MB21D2: variants seen among roughly 807,000 people sequenced by gnomAD.
The protein encoded by MB21D2 is Mab-21 domain containing 2, also known as nucleotidyltransferase MB21D2.
In MB21D2, 9 loss-of-function variants were observed where a neutral mutation model predicts 33.3. The ratio of observed to expected loss-of-function variants is 0.27; its 90% CI spans 0.16 to 0.47. The LOEUF (loss-of-function observed/expected upper bound fraction) is 0.47, where lower values mean the gene tolerates loss of function less well. Among genes scored for constraint, MB21D2 ranks in the 20% least tolerant of loss-of-function variants. The pLI is 0.99. For missense variants in MB21D2, 540 were observed against 624.6 expected (o/e 0.86, Z 1.44); for synonymous variants, 241 against 236.3 (o/e 1.02, Z -0.18).
At chr3:192,835,944 T>C (rs1046764441) in intron 1 of MB21D2, among the ~76,000 whole-genome samples, 1 of 152,010 alleles carries the variant, frequency 6.6e-6, no homozygotes, top group Non-Finnish European at 1.5e-5. Flanking sequence ...AGCACCATCA[T>C]ATCCTCCCTC....
chr3:192,820,936 A>T (rs13091042), intron 1 of MB21D2, among the ~76,000 whole-genome samples: 85,619 of 150,490 alleles, frequency 0.57, 25,258 homozygotes, highest in African/African-American at 0.73. Flanking sequence ...GCTTTTTTTT[A>T]TATATATTTT....
chr3:192,853,650 T>G (rs1183195584), intron 1 of MB21D2, among the ~76,000 whole-genome samples: 4 of 139,354 alleles, frequency 2.9e-5, no homozygotes, highest in African/African-American at 7.7e-5. Context: ...GGTGTTTTGT[T>G]TTTTTTTTTA....
intron 1 of MB21D2, among the ~76,000 whole-genome samples, chr3:192,836,822 A>G (rs1182377327): frequency 1.3e-5 from 2 of 152,206 alleles, no homozygotes; most frequent in African/African-American, 2.4e-5. Context: ...TGCTCTAAAG[A>G]AAAGACTTTC....
chr3:192,913,005 G>A (rs1387538286), intron 1 of MB21D2, among the ~76,000 whole-genome samples: 1 of 152,246 alleles, frequency 6.6e-6, no homozygotes, highest in East Asian at 1.9e-4. Flanking sequence ...AAAGTAGCTA[G>A]CACAATGGTC....
chr3:192,825,267 C>T (rs1712150544), intron 1 of MB21D2, among the ~76,000 whole-genome samples: 1 of 152,160 alleles, frequency 6.6e-6, no homozygotes, highest in Admixed American at 6.5e-5. Flanking sequence ...GTAATTGGCA[C>T]ATGGTAAGCT....
intron 1 of MB21D2, among the ~76,000 whole-genome samples, chr3:192,850,675 G>A (rs1277463872): frequency 6.6e-6 from 1 of 152,164 alleles, no homozygotes; most frequent in African/African-American, 2.4e-5. Flanking sequence ...AAACCTGTCA[G>A]TGGACTGGGA....
chr3:192,917,815 T>A lies in MB21D2; in HGVS notation c.26A>T (p.Asn9Ile). The change falls in exon 1 of 2, where the codon AAC (asparagine) becomes ATC (isoleucine). Residue 9 changes from asparagine to isoleucine, a missense_variant. By Grantham distance (149) the Asn-to-Ile change is moderately radical. Coordinates refer to ENST00000392452, the MANE Select transcript of MB21D2 (RefSeq NM_178496.4). MKMAAPTANKAASLGCNNK... is the reference protein window; with the variant it reads MKMAAPTAIKAASLGCNNK... ...GTTACAGCCCAGGGAGGCTGCCTTG[T>A]TGGCGGTGGGAGCCGCCATCTTCAT... 6.2e-7 allele frequency: 1 copy of A among 1,611,184 alleles called. No individual in the cohort carries two copies. The highest frequency in any genetic ancestry group is 8.5e-7 in the Non-Finnish European group (1 of 1,178,882).
intron 1 of MB21D2, among the ~76,000 whole-genome samples, chr3:192,872,133 C>T (rs1035403257): frequency 1.3e-5 from 2 of 152,122 alleles, no homozygotes; most frequent in African/African-American, 2.4e-5. Flanking sequence ...AAAGTTTACT[C>T]GTTTATTACT....
chr3:192,889,155 C>A (rs752098197), intron 1 of MB21D2, among the ~76,000 whole-genome samples: 1 of 152,088 alleles, frequency 6.6e-6, no homozygotes, highest in Non-Finnish European at 1.5e-5. Context: ...CAGATACACA[C>A]ACAAATATAC....
chr3:192,809,025 CGGCACAGGCCAAATGCTTA>C (rs1711729140), intron 1 of MB21D2, among the ~76,000 whole-genome samples: 3 of 152,036 alleles, frequency 2.0e-5, no homozygotes, highest in Admixed American at 2.0e-4. Flanking sequence ...CCATGCACTA[CGGCACAGGCCAAATGCTTA>C]CCTGTGTCAT....
chr3:192,869,333 G>A (rs111966247), intron 1 of MB21D2, among the ~76,000 whole-genome samples: 18,221 of 112,666 alleles, frequency 0.16, 1,231 homozygotes, highest in South Asian at 0.27. Flanking sequence ...AAAAAGGGAA[G>A]GAGGGAAGGG....
Position 192,798,644 on chromosome 3 carries a change from G to C in MB21D2, c.1218C>G (p.Asp406Glu), listed in dbSNP as rs772742662. 4 of 1,613,706 alleles carry C rather than the reference G, an allele frequency of 2.5e-6. No individual in the cohort carries two copies. Among genetic ancestry groups the C allele is most frequent in the Admixed American group, 3.3e-5 (2 of 60,028 alleles). Residue 406 changes from aspartate to glutamate, a missense_variant, in exon 2 of 2, where the codon GAC becomes GAG. Coordinates refer to ENST00000392452, the MANE Select transcript of MB21D2 (RefSeq NM_178496.4). This position sits in a 1 kb window ranked among gnomAD's most constrained non-coding sequence, Gnocchi z 4.8. ...TGGCGGTGCGCAAGTGCTCTGCCGG[G>C]TCTGAGCGCACAGAGGACAGCTTCC... The part of the protein sequence containing the change: ...HARKLSSVRS[D>E]PAEHLRTAIE...
At chr3:192,810,423 AAACT>A (rs1398776503) in intron 1 of MB21D2, among the ~76,000 whole-genome samples, 2 of 152,058 alleles carry the variant, frequency 1.3e-5, no homozygotes, top group East Asian at 1.9e-4. Flanking sequence ...AAGGACTTAC[AAACT>A]ATCGAATTTG....
intron 1 of MB21D2, among the ~76,000 whole-genome samples, chr3:192,849,320 G>GGC: frequency 7.4e-6 from 1 of 134,348 alleles, no homozygotes; most frequent in East Asian, 2.7e-4. Context: ...TTTTTTTGGG[G>GGC]GGGGGGCGGG....
chr3:192,851,389 G>A (rs1712800136), intron 1 of MB21D2, among the ~76,000 whole-genome samples: 1 of 151,718 alleles, frequency 6.6e-6, no homozygotes, highest in Non-Finnish European at 1.5e-5. Flanking sequence ...TGAGTATGGG[G>A]TTTCTTCTGG....
chr3:192,797,410 T>C lies in MB21D2; in HGVS notation c.*976A>G, dbSNP rs375323652. 2 of 152,710 alleles carry C rather than the reference T, an allele frequency of 1.3e-5. No homozygotes were observed. Among genetic ancestry groups the C allele is most frequent in the East Asian group, 3.9e-4 (2 of 5,178 alleles). The allele number at this position is 152,710 out of a possible 1,614,324, so 9.5% of individuals were successfully genotyped here. ...TCCCCAGCTTTAGATGGGGTCAACA[T>C]GTATAAAGCTTTAACAACTTCTCTC... is the stretch of plus-strand genomic sequence containing the variant. On this transcript the variant is annotated 3_prime_UTR_variant, in exon 2 of 2. Transcript: ENST00000392452.
chr3:192,891,622 G>A (rs1385642356), intron 1 of MB21D2, among the ~76,000 whole-genome samples: 1 of 152,096 alleles, frequency 6.6e-6, no homozygotes, highest in Non-Finnish European at 1.5e-5. Context: ...CATGATGCCT[G>A]GCACCTAGCA....
intron 1 of MB21D2, among the ~76,000 whole-genome samples, chr3:192,910,571 ACAT>A (rs1714331603): frequency 6.6e-6 from 1 of 152,198 alleles, no homozygotes; most frequent in Non-Finnish European, 1.5e-5. Flanking sequence ...AGCTAGGAAA[ACAT>A]CATTCTACAA....
intron 1 of MB21D2, among the ~76,000 whole-genome samples, chr3:192,804,553 T>C (rs1711624182): frequency 6.6e-6 from 1 of 152,220 alleles, no homozygotes; most frequent in Non-Finnish European, 1.5e-5. Flanking sequence ...ATTTTATCTT[T>C]TTATATACCT....
Sources: allele counts gnomAD v4.1 joint callset (sites outside exome capture counted in the v4.1 genomes callset), GRCh38; gene constraint gnomAD v4.1.1; non-coding constraint Gnocchi (gnomAD v3.1); transcripts MANE v1.5; gene names NCBI Gene and HGNC (gene_info 2026-07-23, HGNC 2026-07-21).